NTM: variants seen among roughly 807,000 people sequenced by gnomAD.
NTM encodes IgLON family member 2.
In NTM, 13 loss-of-function variants were observed where a neutral mutation model predicts 42.1. That is an observed-to-expected ratio of 0.31 (90% confidence interval 0.20 to 0.49). NTM has a LOEUF of 0.49. Among genes scored for constraint, NTM ranks in the 20% least tolerant of loss-of-function variants. The probability of loss-of-function intolerance (pLI) is 0.99; values close to 1 mark genes in which losing one functional copy is unlikely to be tolerated. For missense variants in NTM, 373 were observed against 452.8 expected (o/e 0.82, Z 1.60); for synonymous variants, 187 against 179.2 (o/e 1.04, Z -0.35).
At chr11:132,028,578 T>C (rs954979530) in intron 2 of NTM, among the ~76,000 whole-genome samples, 3 of 152,146 alleles carry the variant, frequency 2.0e-5, no homozygotes, top group Non-Finnish European at 2.9e-5. Flanking sequence ...GAGGGAAATC[T>C]TCTATAGAGC....
chr11:132,024,559 C>T (rs2135565627), intron 2 of NTM, among the ~76,000 whole-genome samples: 1 of 152,172 alleles, frequency 6.6e-6, no homozygotes, highest in South Asian at 2.1e-4. Context: ...TTTCGATCCC[C>T]AGTTGGTTGA....
intron 1 of NTM, among the ~76,000 whole-genome samples, chr11:131,439,109 C>T (rs1029565503): frequency 2.0e-5 from 3 of 152,158 alleles, no homozygotes; most frequent in Non-Finnish European, 4.4e-5. Context: ...TGGGTATCAC[C>T]AGCGGAGGCT....
At chr11:131,963,059 T>G (rs1279864652) in intron 2 of NTM, among the ~76,000 whole-genome samples, 1 of 152,168 alleles carries the variant, frequency 6.6e-6, no homozygotes, top group African/African-American at 2.4e-5. Flanking sequence ...AGCTACATCT[T>G]TGTCAGCATC....
chr11:132,201,806 T>C (rs1165619091), intron 3 of NTM, among the ~76,000 whole-genome samples: 2 of 152,216 alleles, frequency 1.3e-5, no homozygotes, highest in South Asian at 2.1e-4. Flanking sequence ...TATACCTACA[T>C]ATTTTATTGG....
intron 1 of NTM, among the ~76,000 whole-genome samples, chr11:131,447,960 A>T (rs1311089965): frequency 6.6e-6 from 1 of 152,188 alleles, no homozygotes; most frequent in South Asian, 2.1e-4. Context: ...CGGATTTCAC[A>T]TCCATTTCTG....
intron 3 of NTM, among the ~76,000 whole-genome samples, chr11:132,175,885 T>G (rs2076737069): frequency 6.6e-6 from 1 of 152,204 alleles, no homozygotes; most frequent in African/African-American, 2.4e-5. Flanking sequence ...CCAGAGCTCC[T>G]TATTTGTATC....
intron 4 of NTM, among the ~76,000 whole-genome samples, chr11:132,288,142 A>G (rs1429739226): frequency 2.6e-5 from 4 of 152,224 alleles, no homozygotes; most frequent in African/African-American, 7.2e-5. Context: ...GCCAACCAGC[A>G]TGGATGGGGG....
intron 1 of NTM, among the ~76,000 whole-genome samples, chr11:131,655,052 C>T (rs771767107): frequency 2.4e-4 from 36 of 152,170 alleles, no homozygotes; most frequent in Non-Finnish European, 2.9e-5. Context: ...GCCACTCCGC[C>T]GGTCCTCGGG....
chr11:131,813,567 G>A (rs1301769103), intron 1 of NTM, among the ~76,000 whole-genome samples: 1 of 152,088 alleles, frequency 6.6e-6, no homozygotes, highest in Non-Finnish European at 1.5e-5. Context: ...CTTAAAGAAT[G>A]GTTAAGACTT....
chr11:131,468,114 A>G (rs1952068675), intron 1 of NTM, among the ~76,000 whole-genome samples: 1 of 152,202 alleles, frequency 6.6e-6, no homozygotes, highest in South Asian at 2.1e-4. Context: ...TGGCTTCCAC[A>G]CTGCAGAGCC....
intron 1 of NTM, among the ~76,000 whole-genome samples, chr11:131,648,701 A>G (rs1337040768): frequency 6.6e-6 from 1 of 152,204 alleles, no homozygotes; most frequent in Non-Finnish European, 1.5e-5. Context: ...TCTTTGTAAT[A>G]CCAACATGCC....
chr11:131,543,711 G>C (rs757142045), intron 1 of NTM, among the ~76,000 whole-genome samples: 5 of 152,156 alleles, frequency 3.3e-5, no homozygotes, highest in African/African-American at 7.2e-5. Context: ...GCACAGGTTC[G>C]AGCGCTCTCC....
At chr11:131,638,110 G>A (rs898509244) in intron 1 of NTM, among the ~76,000 whole-genome samples, 17 of 152,140 alleles carry the variant, frequency 1.1e-4, no homozygotes, top group African/African-American at 4.1e-4. Flanking sequence ...TTCTTCTGCA[G>A]CATAACCTTT....
Position 131,873,549 on chromosome 11 carries a change from C to CAT in NTM, c.83-38005_83-38004dup, listed in dbSNP as rs200938915. 1.0e-3 allele frequency among the ~76,000 whole-genome samples: 42 copies of CAT among 40,786 alleles called. 1 individual carries two copies. Among genetic ancestry groups the CAT allele is most frequent in the African/African-American group, 2.9e-3 (41 of 14,112 alleles). The allele number at this position is 40,786 out of a possible 152,430, so 26.8% of individuals were successfully genotyped here. On this transcript the variant is annotated intron_variant, in intron 1 of 8. Coordinates refer to ENST00000683400, the MANE Select transcript of NTM (RefSeq NM_001352005.2). ...GTGTGTGTGTGTGTGTATATATATACATATATATATACCGTATATATATAC... is the reference window on the plus strand; with the variant it reads ...GTGTGTGTGTGTGTGTATATATATACATATATATATATACCGTATATATATAC...
chr11:132,145,493 C>T (rs1267747016), intron 2 of NTM, among the ~76,000 whole-genome samples: 3 of 152,000 alleles, frequency 2.0e-5, no homozygotes, highest in African/African-American at 7.3e-5. Context: ...GAGGACTTGG[C>T]GAGAGTTGCT....
intron 2 of NTM, among the ~76,000 whole-genome samples, chr11:131,936,619 T>C (rs1313177699): frequency 6.6e-6 from 1 of 152,186 alleles, no homozygotes; most frequent in South Asian, 2.1e-4. Context: ...CAAAAACAAC[T>C]TGTACCTCCA....
chr11:131,731,114 C>A (rs1308008073), intron 1 of NTM, among the ~76,000 whole-genome samples: 1 of 152,086 alleles, frequency 6.6e-6, no homozygotes, highest in African/African-American at 2.4e-5. Context: ...TGGAACTGAT[C>A]TGACTGTTGG....
chr11:131,493,212 C>T (rs888290761), intron 1 of NTM, among the ~76,000 whole-genome samples: 1 of 152,052 alleles, frequency 6.6e-6, no homozygotes, highest in South Asian at 2.1e-4. Flanking sequence ...GCACTCCAGC[C>T]TGGGTGGCAG....
intron 4 of NTM, chr11:132,285,154 C>A (rs1448827630): frequency 6.6e-6 from 1 of 152,602 alleles, no homozygotes; most frequent in East Asian, 1.9e-4. Flanking sequence ...CTCCCCCTCT[C>A]TCAAGGGGCA....
Sources: gnomAD v4.1 joint callset for allele counts (sites outside exome capture counted in the v4.1 genomes callset) on GRCh38, gnomAD v4.1.1 for gene constraint, MANE v1.5 for transcripts, NCBI Gene and HGNC (gene_info 2026-07-23, HGNC 2026-07-21) for gene names.